The following NXN variants were observed in gnomAD, a reference collection of about 807,000 sequenced individuals.
The protein encoded by NXN is nucleoredoxin.
A neutral mutation model predicts 48.6 loss-of-function variants in NXN; 16 were observed. The ratio of observed to expected loss-of-function variants is 0.33; its 90% CI spans 0.22 to 0.50. NXN has a LOEUF of 0.50. Among genes scored for constraint, NXN ranks in the 20% least tolerant of loss-of-function variants. The pLI is 0.98. For missense variants in NXN, 492 were observed against 605.5 expected, an observed-to-expected ratio of 0.81 and a Z score of 1.97; for synonymous variants, 281 against 269.6, an observed-to-expected ratio of 1.04 and a Z score of -0.41.
chr17:874,567 G>C (rs981032411), intron 1 of NXN, among the ~76,000 whole-genome samples: 1 of 152,176 alleles, frequency 6.6e-6, no homozygotes, highest in Non-Finnish European at 1.5e-5. Flanking sequence ...CTGGGTGACA[G>C]AGCGAGACTC....
chr17:833,304 G>T (rs1913601235), intron 1 of NXN, among the ~76,000 whole-genome samples: 1 of 152,124 alleles, frequency 6.6e-6, no homozygotes, highest in African/African-American at 2.4e-5. Flanking sequence ...AAGCATGAAG[G>T]TTACTCGGCT....
chr17:848,629 G>A (rs1229125601), intron 1 of NXN, among the ~76,000 whole-genome samples: 4 of 152,196 alleles, frequency 2.6e-5, no homozygotes, highest in Non-Finnish European at 2.9e-5. Context: ...GTCAGTATTC[G>A]TGCATGTCAC....
intron 1 of NXN, among the ~76,000 whole-genome samples, chr17:942,252 C>A (rs2068985004): frequency 1.6e-5 from 2 of 127,226 alleles, no homozygotes; most frequent in African/African-American, 3.1e-5. Flanking sequence ...GAACTCACAT[C>A]ACACCTTCCT....
At chr17:896,504 T>C (rs1010629909) in intron 1 of NXN, among the ~76,000 whole-genome samples, 3 of 152,166 alleles carry the variant, frequency 2.0e-5, no homozygotes, top group Admixed American at 2.0e-4. Context: ...AGACCCTGTG[T>C]CTAAAACACA....
chr17:905,163 A>C (rs1597229557), intron 1 of NXN: 1 of 152,216 alleles, frequency 6.6e-6, no homozygotes, highest in Admixed American at 6.5e-5. Context: ...CTGTAATCCC[A>C]GTATTTTAGA....
At chr17:862,840 T>C (rs1448066439) in intron 1 of NXN, among the ~76,000 whole-genome samples, 2 of 152,164 alleles carry the variant, frequency 1.3e-5, no homozygotes, top group African/African-American at 4.8e-5. Context: ...AGGGAACCAT[T>C]TGACAAATTC....
At chr17:948,352 G>A (rs1031111357) in intron 1 of NXN, among the ~76,000 whole-genome samples, 1 of 151,828 alleles carries the variant, frequency 6.6e-6, no homozygotes, top group Non-Finnish European at 1.5e-5. Flanking sequence ...AGAAAACAAA[G>A]GAAACAAAAC....
intron 1 of NXN, among the ~76,000 whole-genome samples, chr17:940,237 ATTT>A (rs56917679): frequency 7.1e-6 from 1 of 141,232 alleles, no homozygotes; most frequent in Non-Finnish European, 1.6e-5. Context: ...CCTGGCCTCA[ATTT>A]TTTTTTTTTT....
At position 958,019 on chromosome 17, in the gene NXN, C is replaced by A. The variant is rs987418552; in HGVS notation, c.360+21300G>T. Among the ~76,000 whole-genome samples, 4 of 152,148 alleles carry A rather than the reference C, an allele frequency of 2.6e-5. No individual in the cohort carries two copies. Among genetic ancestry groups the A allele is most frequent in the Non-Finnish European group, 5.9e-5 (4 of 68,028 alleles). On this transcript the variant is annotated intron_variant, in intron 1 of 7. Transcript: ENST00000336868. This position sits in a 1 kb window ranked among gnomAD's most constrained non-coding sequence, Gnocchi z 6.9. ...GGCAGCCCCCATCACTCATCAGGTT[C>A]CAAACATGCATCCTCTCGCTCCATC...
chr17:979,397 G>A lies in NXN; in HGVS notation c.282C>T (p.Asp94=), dbSNP rs754022022. Residue 94 remains aspartate, a synonymous_variant, in exon 1 of 8, where the codon GAC becomes GAT. Transcript: ENST00000336868. ...AGTCCTGCCACTGCCGCTGGTCCTG[G>A]TCCGAGGACACGAAGACGATCTCCA... ...RRLEIVFVSS[D]QDQRQWQDFV... The A allele has an allele frequency of 6.8e-7, 1 of 1,477,372 alleles. No homozygotes were observed. Among genetic ancestry groups the A allele is most frequent in the East Asian group, 2.9e-5 (1 of 34,066 alleles). 91.5% of individuals were successfully genotyped at this position (1,477,372 alleles called of 1,614,324 possible).
chr17:869,860 T>G (rs2068132831), intron 1 of NXN, among the ~76,000 whole-genome samples: 1 of 152,224 alleles, frequency 6.6e-6, no homozygotes, highest in Non-Finnish European at 1.5e-5. Flanking sequence ...TGATCTCGGT[T>G]AAGAACCGCT....
intron 1 of NXN, chr17:959,221 G>T: frequency 9.7e-7 from 1 of 1,027,514 alleles, no homozygotes; most frequent in Non-Finnish European, 1.3e-6. Flanking sequence ...CAGCAGACAG[G>T]CCTGCAGATA....
intron 5 of NXN, among the ~76,000 whole-genome samples, chr17:815,300 A>G (rs1912404516): frequency 6.6e-6 from 1 of 151,620 alleles, no homozygotes; most frequent in South Asian, 2.1e-4. Flanking sequence ...CCCACAGTTC[A>G]GCTGACTTCC....
At position 830,163 on chromosome 17, in the gene NXN, C is replaced by T. The variant is rs111414861; in HGVS notation, c.361-4085G>A. Among the ~76,000 whole-genome samples the T allele has an allele frequency of 5.3e-5, 8 of 152,234 alleles. 2 individuals are homozygous for T. Among genetic ancestry groups the T allele is most frequent in the South Asian group, 2.1e-4 (1 of 4,820 alleles). On this transcript the variant is annotated intron_variant, in intron 1 of 7. Coordinates refer to ENST00000336868, the MANE Select transcript of NXN (RefSeq NM_022463.5). This position sits in a 1 kb window ranked among gnomAD's most constrained non-coding sequence, Gnocchi z 4.2. ...TGTTGTCAGCACCCTGTGCTTTCCC[C>T]GCTATGTTTTGTAACTGGTAAGAGC...
intron 1 of NXN, among the ~76,000 whole-genome samples, chr17:843,165 T>C (rs890602150): frequency 6.6e-6 from 1 of 152,198 alleles, no homozygotes; most frequent in Non-Finnish European, 1.5e-5. Flanking sequence ...AACACACTGA[T>C]GTTTACTTCT....
chr17:906,049 T>C (rs756305103), intron 1 of NXN, among the ~76,000 whole-genome samples: 25 of 151,966 alleles, frequency 1.6e-4, no homozygotes, highest in Non-Finnish European at 1.2e-4. Context: ...CCAATACATC[T>C]GAAACATGAT....
At chr17:966,844 C>T (rs1482961096) in intron 1 of NXN, among the ~76,000 whole-genome samples, 1 of 112,048 alleles carries the variant, frequency 8.9e-6, no homozygotes, top group Non-Finnish European at 1.7e-5. Flanking sequence ...GTGCTTGGAT[C>T]TGAATGGCCT....
At position 955,210 on chromosome 17, in the gene NXN, C is replaced by T. The variant is rs2069152891; in HGVS notation, c.360+24109G>A. 2.0e-5 allele frequency among the ~76,000 whole-genome samples: 3 copies of T among 150,336 alleles called. No individual in the cohort carries two copies. In the South Asian group the frequency reaches 6.4e-4, roughly 32 times the overall value. ...TGAGACAGAGTCTCGCTCTGTCACC[C>T]AGGCTGGAGTGCAGTGCTATGTTCT... is the stretch of plus-strand genomic sequence containing the variant. On this transcript the variant is annotated intron_variant, in intron 1 of 7. Transcript: ENST00000336868.
At position 872,778 on chromosome 17, in the gene NXN, G is replaced by A. The variant is rs147464201; in HGVS notation, c.361-46700C>T. On this transcript the variant is annotated intron_variant, in intron 1 of 7. Transcript: ENST00000336868. Reference sequence around the variant, plus strand: ...TGGGATTACAGGCGCCTGCCACCACGTCCAGCTAATTTTTGTATTTTTAGT... The same window carrying A: ...TGGGATTACAGGCGCCTGCCACCACATCCAGCTAATTTTTGTATTTTTAGT... Among the ~76,000 whole-genome samples the A allele has an allele frequency of 5.8e-3, 874 of 151,936 alleles. 11 individuals carry two copies. Among genetic ancestry groups the A allele is most frequent in the African/African-American group, 0.02 (837 of 41,430 alleles).
Sources: allele counts gnomAD v4.1 joint callset (sites outside exome capture counted in the v4.1 genomes callset), GRCh38; gene constraint gnomAD v4.1.1; non-coding constraint Gnocchi (gnomAD v3.1); transcripts MANE v1.5; gene names NCBI Gene and HGNC (gene_info 2026-07-23, HGNC 2026-07-21).